The following NSUN6 variants were observed in gnomAD, a reference collection of about 807,000 sequenced individuals.
NSUN6 encodes tRNA (cytosine(72)-C(5))-methyltransferase NSUN6.
A neutral mutation model predicts 58.0 loss-of-function variants in NSUN6; 64 were observed. That is an observed-to-expected ratio of 1.10 (90% CI 0.90 to 1.36). The LOEUF (loss-of-function observed/expected upper bound fraction) is 1.36. NSUN6 is among the 40% of genes most tolerant of loss of function. The probability of loss-of-function intolerance (pLI) is 0.00; values close to 1 mark genes in which losing one functional copy is unlikely to be tolerated. For missense variants in NSUN6, 701 were observed against 550.1 expected (o/e 1.27, Z -2.74); for synonymous variants, 231 against 193.9 (o/e 1.19, Z -1.59).
rs532329025 is a variant in NSUN6 at position 18,575,703 on chromosome 10, C to G, written c.922+10246G>C. 3.3e-5 allele frequency among the ~76,000 whole-genome samples: 5 copies of G among 152,242 alleles called. No homozygotes were observed. In the East Asian group the frequency reaches 9.7e-4, roughly 29 times the overall value. On this transcript the variant is annotated intron_variant, in intron 8 of 10. Coordinates refer to ENST00000377304, the MANE Select transcript of NSUN6 (RefSeq NM_182543.5). The stretch of plus-strand genomic sequence containing the variant: ...CATGGACCAAGTGTCTTCCTATTGC[C>G]CTGCTGAGAATTTGAAATGCACCAC...
At chr10:18,621,518 G>C (rs185303999) in intron 3 of NSUN6, among the ~76,000 whole-genome samples, 2 of 152,170 alleles carry the variant, frequency 1.3e-5, no homozygotes, top group African/African-American at 2.4e-5. Context: ...TGTTGAAAGG[G>C]AGTTTTTACT....
chr10:18,566,488 C>CTCCAT (rs536941682), intron 8 of NSUN6, among the ~76,000 whole-genome samples: 3 of 150,002 alleles, frequency 2.0e-5, no homozygotes, highest in Non-Finnish European at 1.5e-5. Flanking sequence ...CCATTCCATT[C>CTCCAT]TCCATTCCAT....
At chr10:18,655,351 G>A (rs1590216273), upstream of NSUN6, among the ~76,000 whole-genome samples, 3 of 152,102 alleles carry the variant, frequency 2.0e-5, no homozygotes, top group Admixed American at 2.0e-4. Context: ...TTTCACTTCA[G>A]TTTCTTCATC....
chr10:18,549,417 G>A (rs901821493), intron 9 of NSUN6, among the ~76,000 whole-genome samples: 25 of 152,158 alleles, frequency 1.6e-4, no homozygotes, highest in South Asian at 4.2e-4. Flanking sequence ...TCACGTTCCC[G>A]GGCACTCTGT....
intron 7 of NSUN6, among the ~76,000 whole-genome samples, chr10:18,589,520 C>A (rs969369504): frequency 6.6e-6 from 1 of 152,142 alleles, no homozygotes; most frequent in Non-Finnish European, 1.5e-5. Flanking sequence ...AAGGTCAGGT[C>A]ACCTACAAAG....
At chr10:18,593,235 G>A (rs2057446449) in intron 7 of NSUN6, among the ~76,000 whole-genome samples, 1 of 152,068 alleles carries the variant, frequency 6.6e-6, no homozygotes, top group African/African-American at 2.4e-5. Context: ...AGAAATAGGA[G>A]AAATAGCCTT....
At position 18,609,887 on chromosome 10, in the gene NSUN6, G is replaced by C; in HGVS notation, c.615C>G (p.Ser205Arg). Residue 205 changes from serine to arginine, a missense_variant, in exon 6 of 11, where the codon AGC becomes AGG. Ser to Arg is a moderately radical substitution (Grantham distance 110, BLOSUM62 -1). Transcript: ENST00000377304. ...GIRMTEPVYL[S>R]PSFDSVLPRY... The stretch of plus-strand genomic sequence containing the variant: ...GGGGCAGTACACTGTCAAATGAAGG[G>C]CTGAGATATACTGGTTCTGTCATTC... 1.2e-6 allele frequency: 2 copies of C among 1,605,314 alleles called. No homozygotes were observed. The highest frequency in any genetic ancestry group is 1.7e-6 in the Non-Finnish European group (2 of 1,172,210).
intron 7 of NSUN6, among the ~76,000 whole-genome samples, chr10:18,588,697 G>C (rs1406397555): frequency 6.6e-6 from 1 of 152,094 alleles, no homozygotes; most frequent in Non-Finnish European, 1.5e-5. Context: ...CCTGTTAGAA[G>C]AAAAACTAAC....
chr10:18,587,134 G>T (rs568293906), intron 7 of NSUN6, among the ~76,000 whole-genome samples: 1 of 152,274 alleles, frequency 6.6e-6, no homozygotes, highest in East Asian at 1.9e-4. Flanking sequence ...AACACCAAAA[G>T]TATTTGCAAT....
intron 3 of NSUN6, among the ~76,000 whole-genome samples, chr10:18,621,550 G>A (rs557162848): frequency 1.3e-5 from 2 of 152,228 alleles, no homozygotes; most frequent in East Asian, 3.9e-4. Flanking sequence ...AAGAGCAAAC[G>A]TAAAAGTTGG....
chr10:18,609,608 G>A (rs960497840), intron 6 of NSUN6, among the ~76,000 whole-genome samples: 1 of 152,094 alleles, frequency 6.6e-6, no homozygotes, highest in African/African-American at 2.4e-5. Context: ...ATTTTAATCA[G>A]TTATTAAATC....
At chr10:18,559,717 T>C (rs2055333753) in intron 8 of NSUN6, among the ~76,000 whole-genome samples, 1 of 147,578 alleles carries the variant, frequency 6.8e-6, no homozygotes, top group Non-Finnish European at 1.5e-5. Flanking sequence ...AAGAATGAAA[T>C]GGAATGGACA....
intron 4 of NSUN6, 55 bp downstream of exon 4, chr10:18,616,129 A>T: frequency 9.8e-7 from 1 of 1,022,020 alleles, no homozygotes; most frequent in Non-Finnish European, 1.5e-6. Context: ...TTTCCATTTG[A>T]AAATGCACAT....
intron 8 of NSUN6, among the ~76,000 whole-genome samples, chr10:18,553,830 A>T (rs1016007315): frequency 2.0e-5 from 3 of 151,276 alleles, no homozygotes; most frequent in Non-Finnish European, 3.0e-5. Flanking sequence ...AATAGAGTAG[A>T]ATAGAATAGA....
chr10:18,573,574 T>C (rs2056501352), intron 8 of NSUN6, among the ~76,000 whole-genome samples: 1 of 152,096 alleles, frequency 6.6e-6, no homozygotes, highest in South Asian at 2.1e-4. Context: ...TTACAACAAG[T>C]TCTAGAAAAA....
At chr10:18,635,851 G>A (rs1052387127) in intron 3 of NSUN6, among the ~76,000 whole-genome samples, 6 of 149,228 alleles carry the variant, frequency 4.0e-5, no homozygotes, top group East Asian at 2.0e-4. Flanking sequence ...GTTTTTTGTC[G>A]TTTTTTTTAA....
upstream of NSUN6, chr10:18,651,954 T>G (rs2059718045): frequency 1.0e-6 from 1 of 985,300 alleles, no homozygotes; most frequent in Admixed American, 6.1e-5. Context: ...GTCCTCCAGT[T>G]AGAGGATGAG....
At chr10:18,655,909 C>A (rs1207721129), upstream of NSUN6, among the ~76,000 whole-genome samples, 10 of 152,174 alleles carry the variant, frequency 6.6e-5, no homozygotes, top group East Asian at 1.9e-3. Context: ...TGTCAATTCT[C>A]ATTGATTGAA....
intron 7 of NSUN6, among the ~76,000 whole-genome samples, chr10:18,594,199 G>GAA (rs749132499): frequency 1.0e-3 from 126 of 123,042 alleles, no homozygotes; most frequent in Admixed American, 1.5e-3. Context: ...AAGACTCTGA[G>GAA]AAAAAAAAAA....
Sources: gnomAD v4.1 joint callset for allele counts (sites outside exome capture counted in the v4.1 genomes callset) on GRCh38, gnomAD v4.1.1 for gene constraint, MANE v1.5 for transcripts, NCBI Gene and HGNC (gene_info 2026-07-23, HGNC 2026-07-21) for gene names.